The following CNTLN variants were observed in gnomAD, a reference collection of about 807,000 sequenced individuals.
CNTLN encodes centlein.
CNTLN carries 212 observed loss-of-function variants against 180.0 expected under a neutral mutation model. The ratio of observed to expected loss-of-function variants is 1.18; its 90% CI spans 1.05 to 1.32. The LOEUF (loss-of-function observed/expected upper bound fraction) is 1.32. Among genes scored for constraint, CNTLN ranks in the 40% most tolerant of loss-of-function variants. The pLI is 0.00. For missense variants in CNTLN, 2,095 were observed against 1,610.9 expected, an observed-to-expected ratio of 1.30 and a Z score of -5.14; for synonymous variants, 722 against 563.1, an observed-to-expected ratio of 1.28 and a Z score of -3.99.
chr9:17,332,489 TTTTTTTTTTTTATAATTCATTA>T, intron 9 of CNTLN, 94 bp from the exon 10 acceptor site: 1 of 334,174 alleles, frequency 3.0e-6, no homozygotes, highest in Non-Finnish European at 4.2e-6. Context: ...ATGCAGGATT[TTTTTTTTTTTTATAATTCATTA>T]TTAGTATTCA....
At chr9:17,508,662 G>A (rs1205714626), downstream of CNTLN, among the ~76,000 whole-genome samples, 1 of 152,164 alleles carries the variant, frequency 6.6e-6, no homozygotes, top group Admixed American at 6.5e-5. Context: ...TGGAATTATG[G>A]AATGTATAGC....
intron 2 of CNTLN, among the ~76,000 whole-genome samples, chr9:17,211,171 G>T (rs1465686239): frequency 1.3e-5 from 2 of 152,134 alleles, no homozygotes; most frequent in Non-Finnish European, 2.9e-5. Flanking sequence ...TTTTCTTCTA[G>T]GGTTTTTATG....
Position 17,409,313 on chromosome 9 carries a change from C to G in CNTLN, c.2636C>G (p.Thr879Ser). The G allele has an allele frequency of 3.1e-6, 5 of 1,612,468 alleles. No individual in the cohort carries two copies. The highest frequency in any genetic ancestry group is 4.2e-6 in the Non-Finnish European group (5 of 1,179,428). The change falls in exon 16 of 26, where the codon ACC becomes AGC. Residue 879 changes from threonine (T) to serine (S), a missense_variant. Coordinates refer to ENST00000380647, the MANE Select transcript of CNTLN (RefSeq NM_017738.4). ...SESSSDSEAQ[T>S]SQTLGTIIVE... ...AAAAGCAGTGATTCTGAAGCACAGA[C>G]CTCTCAAACTTTGGGAACAATTATT...
intron 13 of CNTLN, among the ~76,000 whole-genome samples, chr9:17,381,268 A>G (rs1445326186): frequency 1.3e-5 from 2 of 152,176 alleles, no homozygotes; most frequent in Admixed American, 1.3e-4. Flanking sequence ...AAACAATTTC[A>G]TTTTCCAACT....
intron 25 of CNTLN, among the ~76,000 whole-genome samples, chr9:17,494,664 T>G (rs569250105): frequency 1.3e-5 from 2 of 152,092 alleles, no homozygotes; most frequent in African/African-American, 2.4e-5. Flanking sequence ...AAGGGTATAA[T>G]GGAGCTGAAA....
the CNTLN span, among the ~76,000 whole-genome samples, chr9:17,526,930 T>C: frequency 6.6e-6 from 1 of 151,744 alleles, no homozygotes; most frequent in African/African-American, 2.4e-5. Flanking sequence ...CAGGCTGGAG[T>C]TCTGTTGTGC....
At chr9:17,411,581 G>A (rs1027796876) in intron 16 of CNTLN, among the ~76,000 whole-genome samples, 2 of 152,174 alleles carry the variant, frequency 1.3e-5, no homozygotes, top group South Asian at 2.1e-4. Flanking sequence ...GGCTTACACA[G>A]CAGAAGGTGA....
At chr9:17,279,682 G>T (rs1332831486) in intron 6 of CNTLN, among the ~76,000 whole-genome samples, 2 of 151,792 alleles carry the variant, frequency 1.3e-5, no homozygotes, top group Middle Eastern at 6.8e-3. Context: ...CCCTCTGTTA[G>T]TGTTTCCTGT....
At chr9:17,459,804 A>G (rs915525145) in intron 19 of CNTLN, among the ~76,000 whole-genome samples, 1 of 151,696 alleles carries the variant, frequency 6.6e-6, no homozygotes, top group Non-Finnish European at 1.5e-5. Context: ...CACCACTCAG[A>G]CTGAATTAGA....
At chr9:17,224,329 G>T (rs1001966208) in intron 2 of CNTLN, among the ~76,000 whole-genome samples, 6 of 151,920 alleles carry the variant, frequency 3.9e-5, no homozygotes, top group African/African-American at 4.8e-5. Flanking sequence ...ATAAATACTT[G>T]AATGAGTGAT....
chr9:17,488,807 GCCC>G (rs1564147543), intron 25 of CNTLN, among the ~76,000 whole-genome samples: 1 of 152,016 alleles, frequency 6.6e-6, no homozygotes. Flanking sequence ...TGATTTAATT[GCCC>G]AGGTTTATTT....
At chr9:17,158,954 C>G (rs1293000695) in intron 2 of CNTLN, among the ~76,000 whole-genome samples, 2 of 151,988 alleles carry the variant, frequency 1.3e-5, no homozygotes, top group Admixed American at 6.6e-5. Flanking sequence ...GACTTTTCCA[C>G]TTCCTTGATA....
intron 12 of CNTLN, among the ~76,000 whole-genome samples, chr9:17,343,244 A>G (rs991686655): frequency 6.6e-5 from 10 of 152,224 alleles, no homozygotes; most frequent in African/African-American, 2.4e-4. Context: ...GAGTTAGACC[A>G]ATATAATTAA....
intron 23 of CNTLN, among the ~76,000 whole-genome samples, chr9:17,475,532 A>G (rs1832283599): frequency 6.6e-6 from 1 of 151,834 alleles, no homozygotes; most frequent in South Asian, 2.1e-4. Context: ...ATGAACAGGG[A>G]AAGAAGGAAG....
At chr9:17,276,897 G>T (rs1039616762) in intron 6 of CNTLN, among the ~76,000 whole-genome samples, 22 of 151,960 alleles carry the variant, frequency 1.4e-4, no homozygotes, top group Non-Finnish European at 2.6e-4. Flanking sequence ...TCTATTGTTG[G>T]TTGAATTTGT....
intron 13 of CNTLN, among the ~76,000 whole-genome samples, chr9:17,371,079 A>G (rs1824279493): frequency 6.6e-6 from 1 of 152,142 alleles, no homozygotes. Flanking sequence ...AGACCACAAA[A>G]TAACCAGGAA....
chr9:17,465,113 G>C (rs2134203891), intron 21 of CNTLN, among the ~76,000 whole-genome samples: 1 of 149,752 alleles, frequency 6.7e-6, no homozygotes, highest in South Asian at 2.1e-4. Flanking sequence ...CAAAGTAGAA[G>C]GGTTTTTTTT....
chr9:17,498,039 ACT>A (rs1190486025), intron 25 of CNTLN, among the ~76,000 whole-genome samples: 1 of 152,136 alleles, frequency 6.6e-6, no homozygotes, highest in Non-Finnish European at 1.5e-5. Context: ...TTTCAATATA[ACT>A]CTAGATAAAA....
intron 8 of CNTLN, among the ~76,000 whole-genome samples, chr9:17,318,810 C>G (rs1448218323): frequency 1.3e-5 from 2 of 152,054 alleles, no homozygotes; most frequent in African/African-American, 4.8e-5. Flanking sequence ...TTCAGTCCAA[C>G]TAGACTCACC....
Sources: allele counts gnomAD v4.1 joint callset (sites outside exome capture counted in the v4.1 genomes callset), GRCh38; gene constraint gnomAD v4.1.1; transcripts MANE v1.5; gene names NCBI Gene and HGNC (gene_info 2026-07-23, HGNC 2026-07-21).